The following TACO1 variants were observed in gnomAD, a reference collection of about 807,000 sequenced individuals.
TACO1 encodes the protein translational activator of cytochrome c oxidase I.
Under a neutral mutation model 24.0 loss-of-function variants are expected in TACO1, and 13 were observed. The ratio of observed to expected loss-of-function variants is 0.54; its 90% CI spans 0.35 to 0.86. The LOEUF (loss-of-function observed/expected upper bound fraction) is 0.86, where lower values mean the gene tolerates loss of function less well. Among genes scored for constraint, TACO1 ranks in the 40% least tolerant of loss-of-function variants. TACO1 has a pLI of 0.01. For synonymous variants in TACO1, 149 were observed against 153.5 expected (o/e 0.97, Z 0.22); for missense variants, 352 against 380.1 (o/e 0.93, Z 0.61).
chr17:63,601,370 C>A lies in TACO1; in HGVS notation c.280+7C>A, dbSNP rs1300453726. The A allele has an allele frequency of 1.9e-6, 3 of 1,611,452 alleles. No individual in the cohort carries two copies. The South Asian group carries it at 3.3e-5, about 18-fold the overall frequency. On this transcript the variant is annotated splice_region_variant and intron_variant, in intron 1 of 4. Transcript: ENST00000258975. The stretch of plus-strand genomic sequence containing the variant: ...ATCCGCCTGGCAGTGAAAGGTGAGA[C>A]CCTGACGGTCACCCAGCACTGGCTG...
rs150607307 is a variant in TACO1, at chr17:63,601,302, G to A, written c.219G>A (p.Lys73=). 2.1e-4 allele frequency: 346 copies of A among 1,612,952 alleles called. No individual in the cohort carries two copies. Among genetic ancestry groups the A allele is most frequent in the Non-Finnish European group, 2.7e-4 (323 of 1,179,978 alleles). Residue 73 remains lysine, a synonymous_variant, in exon 1 of 5, where the codon AAG becomes AAA. Coordinates refer to ENST00000258975, the MANE Select transcript of TACO1 (RefSeq NM_016360.4). ...WSKVRHIKGP[K]DVERSRIFSK... ...AAGTCAGGCACATCAAGGGTCCGAAGGACGTCGAAAGGAGTCGCATCTTCT... is the reference window on the plus strand; with the variant it reads ...AAGTCAGGCACATCAAGGGTCCGAAAGACGTCGAAAGGAGTCGCATCTTCT...
At chr17:63,604,116 T>C (rs2033843037) in intron 1 of TACO1, among the ~76,000 whole-genome samples, 1 of 151,916 alleles carries the variant, frequency 6.6e-6, no homozygotes, top group Non-Finnish European at 1.5e-5. Context: ...GGTGTGTGGA[T>C]CACCTGAGGT....
At chr17:63,603,753 C>T (rs984626421) in intron 1 of TACO1, among the ~76,000 whole-genome samples, 3 of 151,454 alleles carry the variant, frequency 2.0e-5, no homozygotes, top group Non-Finnish European at 4.4e-5. Flanking sequence ...TGGTGGCCCA[C>T]ACCTGTAATC....
At chr17:63,601,483 C>G in intron 1 of TACO1, 120 bp downstream of exon 1, 1 of 1,090,732 alleles carries the variant, frequency 9.2e-7, no homozygotes. Context: ...TTTTCCTTCC[C>G]CAGTACCCAC....
At position 63,608,271 on chromosome 17, in the gene TACO1, G is replaced by A. The variant is rs1018022321; in HGVS notation, c.*269G>A. The A allele has an allele frequency of 5.6e-5, 29 of 518,380 alleles. No individual in the cohort carries two copies. In the Middle Eastern group the frequency reaches 1.6e-3, roughly 29 times the overall value. 32.1% of individuals were successfully genotyped at this position (518,380 alleles called of 1,614,324 possible). A position where few individuals can be genotyped will look rare whatever the true frequency, so the allele number is the denominator to read the frequency against. On this transcript the variant is annotated 3_prime_UTR_variant, in exon 5 of 5. Coordinates refer to ENST00000258975, the MANE Select transcript of TACO1 (RefSeq NM_016360.4). ...ACCACCCAGCTGGTCAGACTCTGAT[G>A]TTGGGTAGCTGGCCTCTGTGGGGAT... is the stretch of plus-strand genomic sequence containing the variant.
intron 2 of TACO1, among the ~76,000 whole-genome samples, chr17:63,606,107 A>G (rs986816437): frequency 6.6e-6 from 1 of 152,142 alleles, no homozygotes; most frequent in Non-Finnish European, 1.5e-5. Flanking sequence ...GGGACCGGAG[A>G]AACAGACTCC....
rs1489471819 is a variant in TACO1, at chr17:63,600,992, C to T, written c.-92C>T. On this transcript the variant is annotated 5_prime_UTR_variant, in exon 1 of 5. Transcript: ENST00000258975. The stretch of plus-strand genomic sequence containing the variant: ...ATCTCAGGTGACCGGCACAGGCGGC[C>T]GCGGGGTCCGGAACTGCTTGTTCCG... 3.4e-6 allele frequency: 5 copies of T among 1,455,538 alleles called. No homozygotes were observed. The Admixed American group carries it at 6.0e-5, about 17-fold the overall frequency. 90.2% of individuals were successfully genotyped at this position (1,455,538 alleles called of 1,614,324 possible). A position where few individuals can be genotyped will look rare whatever the true frequency, so the allele number is the denominator to read the frequency against.
chr17:63,606,640 G>T (rs939679392), intron 3 of TACO1, 200 bp downstream of exon 3: 6 of 611,602 alleles, frequency 9.8e-6, no homozygotes, highest in African/African-American at 9.2e-5. Context: ...CTGCTTTCTG[G>T]GTTCAAGTGA....
At chr17:63,601,719 C>T (rs2033823194) in intron 1 of TACO1, among the ~76,000 whole-genome samples, 1 of 152,112 alleles carries the variant, frequency 6.6e-6, no homozygotes, top group Non-Finnish European at 1.5e-5. Context: ...ACAAATCAAC[C>T]CCTCTGAAGT....
In TACO1 at chr17:63,607,940, C is replaced by G; in HGVS notation, c.832C>G (p.His278Asp). ...LAEPDLEQAAHLIQALSNHED... is the reference protein window; with the variant it reads ...LAEPDLEQAADLIQALSNHED... Reference sequence around the variant, plus strand: ...TGAGCCCGACCTGGAACAGGCCGCACATCTCATTCAGGCTCTCAGCAACCA... The same window carrying G: ...TGAGCCCGACCTGGAACAGGCCGCAGATCTCATTCAGGCTCTCAGCAACCA... Residue 278 changes from histidine (H) to aspartate (D), a missense_variant, in exon 5 of 5, where the codon CAT (histidine) becomes GAT (aspartate). By Grantham distance (81) the His-to-Asp change is moderately conservative. Coordinates refer to ENST00000258975, the MANE Select transcript of TACO1 (RefSeq NM_016360.4). 6.2e-7 allele frequency: 1 copy of G among 1,614,226 alleles called. No homozygotes were observed. Among genetic ancestry groups the G allele is most frequent in the Non-Finnish European group, 8.5e-7 (1 of 1,180,054 alleles).
At position 63,607,751 on chromosome 17, in the gene TACO1, T is replaced by C. The variant is rs906505600; in HGVS notation, c.694-51T>C. 6.4e-6 allele frequency: 10 copies of C among 1,554,990 alleles called. No homozygotes were observed. In the African/African-American group the frequency reaches 1.4e-4, roughly 21 times the overall value. On this transcript the variant is annotated intron_variant, in intron 4 of 4. Coordinates refer to ENST00000258975, the MANE Select transcript of TACO1 (RefSeq NM_016360.4). ...GGACTTTGCAAGGTCCTGTGTGGCT[T>C]TGTCTCATTACCTCCTGGCTCCTCA...
intron 1 of TACO1, among the ~76,000 whole-genome samples, chr17:63,602,090 CAAAAAAAAAA>C (rs11288092): frequency 2.4e-5 from 2 of 84,224 alleles, no homozygotes; most frequent in African/African-American, 1.0e-4. Context: ...CTAAAAATAA[CAAAAAAAAAA>C]AAAAAAAAAA....
chr17:63,607,690 C>A, intron 4 of TACO1, 112 bp from the exon 5 acceptor site: 1 of 1,125,434 alleles, frequency 8.9e-7, no homozygotes, highest in Non-Finnish European at 1.3e-6. Context: ...CAGTGAAGAG[C>A]TCAAACCCAG....
At chr17:63,607,583 A>G (rs2033872758) in intron 4 of TACO1, 119 bp downstream of exon 4, 1 of 1,104,530 alleles carries the variant, frequency 9.1e-7, no homozygotes, top group South Asian at 1.3e-5. Context: ...CAGTTCACAT[A>G]TTGTACAAAC....
At chr17:63,603,781 C>G (rs138697019) in intron 1 of TACO1, among the ~76,000 whole-genome samples, 1 of 151,886 alleles carries the variant, frequency 6.6e-6, no homozygotes, top group Non-Finnish European at 1.5e-5. Context: ...TTTGGGAGGC[C>G]GAGTCAGGCA....
chr17:63,607,579 A>AGAAC, intron 4 of TACO1, 115 bp downstream of exon 4: 1 of 1,128,636 alleles, frequency 8.9e-7, no homozygotes, highest in Non-Finnish European at 1.3e-6. Flanking sequence ...GAGACAGTTC[A>AGAAC]CATATTGTAC....
intron 2 of TACO1, among the ~76,000 whole-genome samples, chr17:63,604,884 A>G (rs2033851350): frequency 1.3e-5 from 2 of 151,988 alleles, no homozygotes; most frequent in Admixed American, 1.3e-4. Context: ...GCGTGGTGGC[A>G]TATGCTTGTA....
intron 1 of TACO1, among the ~76,000 whole-genome samples, chr17:63,601,575 C>A (rs2033822203): frequency 6.6e-6 from 1 of 152,198 alleles, no homozygotes; most frequent in Admixed American, 6.5e-5. Flanking sequence ...GAGCATCTGG[C>A]CAGTTTGTCA....
rs2033878777 is a variant in TACO1 at position 63,608,220 on chromosome 17, CG to C, written c.*219del. On this transcript the variant is annotated 3_prime_UTR_variant, in exon 5 of 5. Transcript: ENST00000258975. ...CTCAGAGCCATCTGGATGAGTGTCC[CG>C]ACACCCTCTCGGATGCAGGGCAGGA... 4.9e-6 allele frequency: 3 copies of C among 614,904 alleles called. No individual in the cohort carries two copies. The highest frequency in any genetic ancestry group is 8.8e-6 in the Non-Finnish European group (3 of 342,324). 38.1% of individuals were successfully genotyped at this position (614,904 alleles called of 1,614,324 possible). A position where few individuals can be genotyped will look rare whatever the true frequency, so the allele number is the denominator to read the frequency against.
Sources: allele counts gnomAD v4.1 joint callset (sites outside exome capture counted in the v4.1 genomes callset), GRCh38; gene constraint gnomAD v4.1.1; transcripts MANE v1.5; gene names NCBI Gene and HGNC (gene_info 2026-07-23, HGNC 2026-07-21).